DIP2C: variants seen among roughly 807,000 people sequenced by gnomAD.
The protein encoded by DIP2C is DIP2 acetate--CoA ligase C (putative), also known as disco-interacting protein 2 homolog C.
In DIP2C, 33 loss-of-function variants were observed where a neutral mutation model predicts 192.4. The observed-to-expected ratio is 0.17, with a 90% confidence interval of 0.13 to 0.23. The LOEUF (loss-of-function observed/expected upper bound fraction) is 0.23. DIP2C is among the 10% of genes least tolerant of loss of function. DIP2C has a pLI of 1.00. For missense variants in DIP2C, 1,537 were observed against 2,110.1 expected (o/e 0.73, Z 5.32); for synonymous variants, 979 against 864.1 (o/e 1.13, Z -2.33).
intron 1 of DIP2C, among the ~76,000 whole-genome samples, chr10:602,013 T>TG (rs1195251597): frequency 6.9e-6 from 1 of 145,232 alleles, no homozygotes; most frequent in Non-Finnish European, 1.5e-5. Flanking sequence ...GCCTTGTCCT[T>TG]GGTAAAGGGT....
intron 1 of DIP2C, among the ~76,000 whole-genome samples, chr10:504,888 AGAG>A (rs375253241): frequency 1.1e-4 from 17 of 152,268 alleles, no homozygotes; most frequent in African/African-American, 3.6e-4. Context: ...CGTCATACTC[AGAG>A]AAGAGGTGAG....
rs556559694 is a variant in DIP2C at position 680,537 on chromosome 10, G to A, written c.85+8957C>T. Among the ~76,000 whole-genome samples, 268 of 152,236 alleles carry A rather than the reference G, an allele frequency of 1.8e-3. 2 individuals are homozygous for A. The highest frequency in any genetic ancestry group is 1.7e-3 in the Non-Finnish European group (114 of 68,020). Reference sequence around the variant, plus strand: ...GGATGATTCTATCACTGACAAAGACGCTGAATCTCCCAGCAAAGCCCAGTG... The same window carrying A: ...GGATGATTCTATCACTGACAAAGACACTGAATCTCCCAGCAAAGCCCAGTG... On this transcript the variant is annotated intron_variant, in intron 1 of 36. Transcript: ENST00000280886.
chr10:345,627 C>G, intron 26 of DIP2C, among the ~76,000 whole-genome samples: 1 of 129,908 alleles, frequency 7.7e-6, no homozygotes, highest in East Asian at 2.3e-4. Flanking sequence ...AACCCAGACA[C>G]ATCGCGCATA....
chr10:334,175 T>TG (rs1216356003), intron 29 of DIP2C, among the ~76,000 whole-genome samples: 1 of 151,758 alleles, frequency 6.6e-6, no homozygotes, highest in African/African-American at 2.4e-5. Context: ...GGTGTGGTGG[T>TG]GCATGCCTGT....
intron 19 of DIP2C, 144 bp downstream of exon 19, chr10:366,128 AGTG>A (rs1960169935): frequency 8.8e-7 from 1 of 1,136,978 alleles, no homozygotes; most frequent in East Asian, 2.6e-5. Flanking sequence ...AGCGATAAAA[AGTG>A]GTAAAGTGCC....
chr10:476,057 AGC>A (rs1843008115), intron 2 of DIP2C, among the ~76,000 whole-genome samples: 1 of 152,236 alleles, frequency 6.6e-6, no homozygotes, highest in African/African-American at 2.4e-5. Flanking sequence ...AGCTCTCAGG[AGC>A]ATCACAGGAA....
intron 17 of DIP2C, among the ~76,000 whole-genome samples, chr10:370,757 G>A (rs929374606): frequency 6.6e-6 from 1 of 152,074 alleles, no homozygotes; most frequent in African/African-American, 2.4e-5. Flanking sequence ...AATCTTTAAC[G>A]CACTTCAGAC....
chr10:598,619 C>T (rs1329562887), intron 1 of DIP2C, among the ~76,000 whole-genome samples: 1 of 152,080 alleles, frequency 6.6e-6, no homozygotes, highest in Non-Finnish European at 1.5e-5. Flanking sequence ...AGGCTGCTTC[C>T]TCAAATTCTT....
chr10:681,062 C>G (rs888720110), intron 1 of DIP2C, among the ~76,000 whole-genome samples: 1 of 152,094 alleles, frequency 6.6e-6, no homozygotes, highest in Admixed American at 6.5e-5. Context: ...ACGGAAATTC[C>G]AGGGAATGCA....
chr10:511,546 C>A (rs1409938435), intron 1 of DIP2C, among the ~76,000 whole-genome samples: 2 of 152,140 alleles, frequency 1.3e-5, no homozygotes, highest in African/African-American at 4.8e-5. Flanking sequence ...AAAAATAACA[C>A]GTCTTCCAGG....
chr10:310,897 C>T (rs1461903019), intron 31 of DIP2C, among the ~76,000 whole-genome samples: 1 of 152,028 alleles, frequency 6.6e-6, no homozygotes, highest in Admixed American at 6.6e-5. Flanking sequence ...ACTAAACCTA[C>T]AATAAATTTG....
intron 2 of DIP2C, among the ~76,000 whole-genome samples, chr10:475,771 C>T (rs1199589660): frequency 6.6e-6 from 1 of 152,164 alleles, no homozygotes. Flanking sequence ...AACGAGGCTG[C>T]AAGTGGCTTA....
rs1964998131 is a variant in DIP2C at position 408,918 on chromosome 10, G to A, written c.1149+8C>T. On this transcript the variant is annotated splice_region_variant and intron_variant, in intron 9 of 36. Transcript: ENST00000280886. ...TTTTGTAGATCCAGCAGTTTAAGTT[G>A]CACTTACCCTATCTCCAGGCCGGAC... 2.5e-6 allele frequency: 4 copies of A among 1,613,728 alleles called. No homozygotes were observed. Among genetic ancestry groups the A allele is most frequent in the Admixed American group, 3.3e-5 (2 of 59,978 alleles).
chr10:415,974 C>G (rs188324092), intron 6 of DIP2C, 86 bp from the exon 7 acceptor site: 125 of 1,544,468 alleles, frequency 8.1e-5, no homozygotes, highest in African/African-American at 5.0e-4. Context: ...CAGCCCCCTC[C>G]CCAGCGCGGC....
chr10:422,141 C>T (rs1192714930), intron 5 of DIP2C, among the ~76,000 whole-genome samples: 1 of 152,168 alleles, frequency 6.6e-6, no homozygotes, highest in African/African-American at 2.4e-5. Flanking sequence ...GCAGTCGTCT[C>T]CGGTTACTGC....
In DIP2C at chr10:363,242, G is replaced by A; in HGVS notation, c.2547C>T (p.Asp849=). Residue 849 remains aspartate, a synonymous_variant, in exon 21 of 37, where the codon GAC becomes GAT. Transcript: ENST00000280886. This position sits in a 1 kb window ranked among gnomAD's most constrained non-coding sequence, Gnocchi z 5.4. ...RIVIVAEQRP[D]STEEDSFQWM... ...ACTGGAAACTGTCCTCTTCCGTGGA[G>A]TCAGGCCTCTGCTCAGCCACGATCA... 6.2e-7 allele frequency: 1 copy of A among 1,613,662 alleles called. No homozygotes were observed. The highest frequency in any genetic ancestry group is 8.5e-7 in the Non-Finnish European group (1 of 1,180,028).
chr10:602,679 C>G (rs147608394), intron 1 of DIP2C, among the ~76,000 whole-genome samples: 1 of 152,132 alleles, frequency 6.6e-6, no homozygotes. Flanking sequence ...GCAGCCCAGA[C>G]AGTCATGTTA....
At chr10:427,333 A>G (rs1274139546) in intron 4 of DIP2C, among the ~76,000 whole-genome samples, 1 of 152,224 alleles carries the variant, frequency 6.6e-6, no homozygotes, top group Non-Finnish European at 1.5e-5. Flanking sequence ...TGCTTAAACC[A>G]GGATAGTGGT....
At position 366,373 on chromosome 10, in the gene DIP2C, G is replaced by C; in HGVS notation, c.2170C>G (p.Leu724Val). The change falls in exon 19 of 37, where the codon CTG becomes GTG. Residue 724 changes from leucine (L) to valine (V), a missense_variant. Leu to Val is a conservative substitution (Grantham distance 32, BLOSUM62 1). Transcript: ENST00000280886. The part of the protein sequence containing the change: ...CSVKPDGVPQ[L>V]CRTDEIGELC... Reference sequence around the variant, plus strand: ...TCCCCGATCTCATCCGTTCTGCACAGCTGAGGAACCCCGTCTGGCTTCACT... The same window carrying C: ...TCCCCGATCTCATCCGTTCTGCACACCTGAGGAACCCCGTCTGGCTTCACT... The C allele has an allele frequency of 1.2e-6, 2 of 1,614,194 alleles. No individual in the cohort carries two copies. Among genetic ancestry groups the C allele is most frequent in the Non-Finnish European group, 1.7e-6 (2 of 1,180,040 alleles).
Sources: gnomAD v4.1 joint callset for allele counts (sites outside exome capture counted in the v4.1 genomes callset) on GRCh38, gnomAD v4.1.1 for gene constraint, Gnocchi (gnomAD v3.1) non-coding constraint, MANE v1.5 for transcripts, NCBI Gene and HGNC (gene_info 2026-07-23, HGNC 2026-07-21) for gene names.